Variants in DCP2 observed in about 807,000 individuals in gnomAD.
DCP2 encodes decapping mRNA 2, also known as m7GpppN-mRNA hydrolase.
Under a neutral mutation model 56.1 loss-of-function variants are expected in DCP2, and 30 were observed. That is an observed-to-expected ratio of 0.53 (90% CI 0.40 to 0.73). DCP2 has a LOEUF of 0.73. Among genes scored for constraint, DCP2 ranks in the 30% least tolerant of loss-of-function variants. The pLI is 0.00. For synonymous variants in DCP2, 197 were observed against 163.3 expected (o/e 1.21, Z -1.57); for missense variants, 533 against 502.7 (o/e 1.06, Z -0.58).
At chr5:113,010,719 A>ATGTG (rs201023531) in intron 9 of DCP2, 37 bp from the exon 10 acceptor site, 94 of 1,200,244 alleles carry the variant, frequency 7.8e-5, no homozygotes, top group Non-Finnish European at 8.2e-5. Flanking sequence ...ACTGTGTTGT[A>ATGTG]TGTGTGTGTG....
chr5:113,002,731 C>T (rs1749237700), intron 7 of DCP2, among the ~76,000 whole-genome samples: 1 of 152,000 alleles, frequency 6.6e-6, no homozygotes, highest in Non-Finnish European at 1.5e-5. Context: ...CTATGCTGCC[C>T]AGGCTGCTGT....
intron 8 of DCP2, among the ~76,000 whole-genome samples, chr5:113,007,626 C>T (rs898302305): frequency 6.6e-6 from 1 of 151,810 alleles, no homozygotes; most frequent in Non-Finnish European, 1.5e-5. Flanking sequence ...GGTCTCATCT[C>T]AACCTCGTGA....
intron 9 of DCP2, among the ~76,000 whole-genome samples, chr5:113,010,442 G>A (rs1257409651): frequency 6.6e-6 from 1 of 152,062 alleles, no homozygotes; most frequent in African/African-American, 2.4e-5. Context: ...TTGGCCTCAA[G>A]TGATCCGTTT....
At chr5:113,001,745 C>T in intron 7 of DCP2, 71 bp downstream of exon 7, 1 of 1,414,320 alleles carries the variant, frequency 7.1e-7, no homozygotes, top group Non-Finnish European at 1.0e-6. Flanking sequence ...TATTTTGCTT[C>T]TAAAATTTGC....
In DCP2 at chr5:113,007,288, C is replaced by T. The variant is rs1007192363; in HGVS notation, c.943-650C>T. ...GCTTTAAGAACTGTAGCTAATGTCC[C>T]TCGGCATTCCTTTACAGAGAGGTTC... On this transcript the variant is annotated intron_variant, in intron 8 of 10. Transcript: ENST00000389063. Among the ~76,000 whole-genome samples, 7 of 152,196 alleles carry T rather than the reference C, an allele frequency of 4.6e-5. No homozygotes were observed. The East Asian group carries it at 1.4e-3, about 29-fold the overall frequency.
chr5:112,976,957 T>A lies in DCP2; in HGVS notation c.24T>A (p.Ile8=). The part of the protein sequence containing the change: METKRVE[I]PGSVLDDLCS... ...TCATGGAGACCAAACGGGTGGAGAT[T>A]CCCGGCAGCGTCCTGGACGATCTCT... The change falls in exon 1 of 11, where the codon ATT becomes ATA. Residue 8 remains isoleucine, a synonymous_variant. Coordinates refer to ENST00000389063, the MANE Select transcript of DCP2 (RefSeq NM_152624.6). 6.3e-7 allele frequency: 1 copy of A among 1,596,528 alleles called. No individual in the cohort carries two copies. The highest frequency in any genetic ancestry group is 8.6e-7 in the Non-Finnish European group (1 of 1,167,368).
At chr5:112,982,795 C>T (rs1182767180) in intron 1 of DCP2, among the ~76,000 whole-genome samples, 2 of 152,112 alleles carry the variant, frequency 1.3e-5, no homozygotes, top group Non-Finnish European at 2.9e-5. Context: ...CTTCTGGTTC[C>T]TCAATTATGT....
intron 7 of DCP2, among the ~76,000 whole-genome samples, chr5:113,003,361 C>T (rs1749269655): frequency 6.6e-6 from 1 of 152,136 alleles, no homozygotes; most frequent in South Asian, 2.1e-4. Flanking sequence ...TAGAGGGTAG[C>T]TTACTTTCTC....
intron 8 of DCP2, 80 bp downstream of exon 8, chr5:113,004,157 C>A (rs1749307305): frequency 1.3e-6 from 2 of 1,489,916 alleles, no homozygotes; most frequent in Admixed American, 2.0e-5. Flanking sequence ...AGAATTACAT[C>A]TTAATAGTTA....
At chr5:112,979,197 A>C (rs1203349340) in intron 1 of DCP2, among the ~76,000 whole-genome samples, 1 of 152,120 alleles carries the variant, frequency 6.6e-6, no homozygotes, top group African/African-American at 2.4e-5. Context: ...TTCTTTTTGC[A>C]GTTACTGTTT....
intron 1 of DCP2, among the ~76,000 whole-genome samples, chr5:112,977,782 A>G (rs1747787756): frequency 6.6e-6 from 1 of 152,196 alleles, no homozygotes; most frequent in African/African-American, 2.4e-5. Context: ...TTTGGAGTGC[A>G]GTGATACCCG....
intron 1 of DCP2, among the ~76,000 whole-genome samples, chr5:112,985,613 G>A (rs1396926134): frequency 6.6e-6 from 1 of 152,120 alleles, no homozygotes; most frequent in African/African-American, 2.4e-5. Context: ...AGGGTACACA[G>A]GCTCAGAACA....
At position 113,022,150 on chromosome 5, in the gene DCP2, T is replaced by C. The variant is rs1750178659; in HGVS notation, c.*8666T>C. Reference sequence around the variant, plus strand: ...TCAGAATATAAGAATGTTTGTAAAATATTATAAATGTCTCTGTATAAATAA... The same window carrying C: ...TCAGAATATAAGAATGTTTGTAAAACATTATAAATGTCTCTGTATAAATAA... On this transcript the variant is annotated 3_prime_UTR_variant, in exon 11 of 11. Coordinates refer to ENST00000389063, the MANE Select transcript of DCP2 (RefSeq NM_152624.6). 6.6e-6 allele frequency: 1 copy of C among 152,632 alleles called. No homozygotes were observed. Among genetic ancestry groups the C allele is most frequent in the Non-Finnish European group, 1.5e-5 (1 of 68,036 alleles). The allele number at this position is 152,632 out of a possible 1,614,324, so 9.5% of individuals were successfully genotyped here. A position where few individuals can be genotyped will look rare whatever the true frequency, so the allele number is the denominator to read the frequency against.
intron 1 of DCP2, among the ~76,000 whole-genome samples, chr5:112,980,452 C>T (rs1747949425): frequency 6.6e-6 from 1 of 152,190 alleles, no homozygotes; most frequent in African/African-American, 2.4e-5. Context: ...GTGCTAATGT[C>T]CTGTTTGTAG....
At chr5:112,982,833 C>G (rs990066006) in intron 1 of DCP2, among the ~76,000 whole-genome samples, 1 of 152,162 alleles carries the variant, frequency 6.6e-6, no homozygotes, top group African/African-American at 2.4e-5. Flanking sequence ...AAAAAACTTT[C>G]TTGTCATGCT....
chr5:112,998,172 A>G (rs1237761118), intron 4 of DCP2, among the ~76,000 whole-genome samples: 1 of 152,200 alleles, frequency 6.6e-6, no homozygotes, highest in African/African-American at 2.4e-5. Context: ...CACTTTTAGA[A>G]TTGATTGGAC....
chr5:113,004,939 C>T (rs1749348191), intron 8 of DCP2, among the ~76,000 whole-genome samples: 1 of 151,804 alleles, frequency 6.6e-6, no homozygotes, highest in Non-Finnish European at 1.5e-5. Flanking sequence ...TCAGCCCCGA[C>T]ATGGTGAAAC....
chr5:113,000,420 A>ACACACACCCACC (rs112449298), intron 4 of DCP2, among the ~76,000 whole-genome samples: 1 of 146,652 alleles, frequency 6.8e-6, no homozygotes, highest in African/African-American at 2.5e-5. Context: ...ACACACACAC[A>ACACACACCCACC]CACACCCACA....
At chr5:113,001,049 A>G in intron 4 of DCP2, 35 bp from the exon 5 acceptor site, 5 of 1,561,730 alleles carry the variant, frequency 3.2e-6, no homozygotes, top group African/African-American at 2.8e-5. Context: ...CCTAAGAACT[A>G]AAATGAAAAT....
Sources: gnomAD v4.1 joint callset for allele counts (sites outside exome capture counted in the v4.1 genomes callset) on GRCh38, gnomAD v4.1.1 for gene constraint, MANE v1.5 for transcripts, NCBI Gene and HGNC (gene_info 2026-07-23, HGNC 2026-07-21) for gene names.